Variants in PDSS2 observed in about 807,000 individuals in gnomAD.
PDSS2 encodes the protein decaprenyl diphosphate synthase subunit 2.
Under a neutral mutation model 44.5 loss-of-function variants are expected in PDSS2, and 31 were observed. The observed-to-expected ratio is 0.70, with a 90% CI of 0.52 to 0.94. The LOEUF (loss-of-function observed/expected upper bound fraction) is 0.94, where lower values mean the gene tolerates loss of function less well. Among genes scored for constraint, PDSS2 ranks in the 40% least tolerant of loss-of-function variants. The pLI is 0.00. For missense variants in PDSS2, 452 were observed against 482.2 expected (o/e 0.94, Z 0.59); for synonymous variants, 157 against 180.3 (o/e 0.87, Z 1.03).
chr6:107,362,950 G>A (rs965354427), intron 1 of PDSS2, among the ~76,000 whole-genome samples: 3 of 152,148 alleles, frequency 2.0e-5, no homozygotes, highest in African/African-American at 7.2e-5. Flanking sequence ...CAATAACTTG[G>A]AGATAGATCA....
At chr6:107,333,538 A>G (rs1404360921) in intron 2 of PDSS2, among the ~76,000 whole-genome samples, 1 of 152,082 alleles carries the variant, frequency 6.6e-6, no homozygotes. Context: ...GTATTATTTT[A>G]TCTTATTTTA....
At chr6:107,371,404 G>C (rs1283003716) in intron 1 of PDSS2, among the ~76,000 whole-genome samples, 1 of 152,136 alleles carries the variant, frequency 6.6e-6, no homozygotes, top group Non-Finnish European at 1.5e-5. Flanking sequence ...TCCCATATAA[G>C]AAGAAATCTA....
chr6:107,346,259 T>G (rs997974037), intron 1 of PDSS2, among the ~76,000 whole-genome samples: 3 of 152,168 alleles, frequency 2.0e-5, no homozygotes, highest in African/African-American at 7.2e-5. Flanking sequence ...GGAAGAAATC[T>G]CTCATTTACC....
chr6:107,264,941 G>C (rs967944463), intron 3 of PDSS2, among the ~76,000 whole-genome samples: 4 of 152,118 alleles, frequency 2.6e-5, no homozygotes, highest in Non-Finnish European at 5.9e-5. Flanking sequence ...TTTAGTCCAG[G>C]TCTTTGTACA....
chr6:107,390,970 A>G (rs1020185565), intron 1 of PDSS2, among the ~76,000 whole-genome samples: 5 of 151,912 alleles, frequency 3.3e-5, no homozygotes, highest in Non-Finnish European at 5.9e-5. Context: ...CTATTTTTTT[A>G]ACCTTTTTTG....
At chr6:107,367,641 C>T (rs1019215597) in intron 1 of PDSS2, among the ~76,000 whole-genome samples, 2 of 151,820 alleles carry the variant, frequency 1.3e-5, no homozygotes, top group Non-Finnish European at 2.9e-5. Context: ...AAAAAATTAG[C>T]CAGGTGCGGT....
chr6:107,162,223 C>T (rs571431584), intron 7 of PDSS2, among the ~76,000 whole-genome samples: 14 of 152,036 alleles, frequency 9.2e-5, no homozygotes, highest in Middle Eastern at 3.2e-3. Context: ...CCCGGCCGGG[C>T]GCAGTGGCTC....
intron 4 of PDSS2, among the ~76,000 whole-genome samples, chr6:107,225,168 T>TATATATATATATA (rs1773772410): frequency 1.8e-4 from 8 of 43,740 alleles, no homozygotes; most frequent in African/African-American, 8.7e-4. Context: ...TATATTTTTT[T>TATATATATATATA]TTTTTTTTTT....
chr6:107,211,258 T>TA (rs1440022041), intron 5 of PDSS2, among the ~76,000 whole-genome samples: 3 of 151,630 alleles, frequency 2.0e-5, no homozygotes, highest in Non-Finnish European at 4.4e-5. Context: ...ATCTGAATAG[T>TA]ATATATTAAA....
At chr6:107,277,724 G>A (rs1432490930) in intron 2 of PDSS2, among the ~76,000 whole-genome samples, 10 of 152,112 alleles carry the variant, frequency 6.6e-5, no homozygotes, top group Admixed American at 5.9e-4. Flanking sequence ...AGGCCAAGGC[G>A]GGTGGATCAC....
rs1254571004 is a variant in PDSS2 at position 107,225,177 on chromosome 6, T to A, written c.703-12895A>T. On this transcript the variant is annotated intron_variant, in intron 4 of 7. Transcript: ENST00000369037. Reference sequence around the variant, plus strand: ...TATATATATATTTTTTTTTTTTTTTTTTTTTTTTTTTTGAGACAGAGTGTC... The same window carrying A: ...TATATATATATTTTTTTTTTTTTTTATTTTTTTTTTTTGAGACAGAGTGTC... Among the ~76,000 whole-genome samples the A allele has an allele frequency of 5.6e-3, 412 of 74,202 alleles. 15 individuals are homozygous for A. The highest frequency in any genetic ancestry group is 0.033 in the African/African-American group (283 of 8,582). The allele number at this position is 74,202 out of a possible 152,430, so 48.7% of individuals were successfully genotyped here.
rs60988844 is a variant in PDSS2, at chr6:107,227,278, C to CTTTTTTTTTTT, written c.703-15007_703-14997dup. The stretch of plus-strand genomic sequence containing the variant: ...GATTATAGGTGTAAGCCACTGTGCC[C>CTTTTTTTTTTT]TTTTTTTTTTTTTTTTTTTTTTTTT... On this transcript the variant is annotated intron_variant, in intron 4 of 7. Coordinates refer to ENST00000369037, the MANE Select transcript of PDSS2 (RefSeq NM_020381.4). Among the ~76,000 whole-genome samples the CTTTTTTTTTTT allele has an allele frequency of 1.1e-3, 117 of 102,800 alleles. 16 individuals are homozygous for CTTTTTTTTTTT. Among genetic ancestry groups the CTTTTTTTTTTT allele is most frequent in the East Asian group, 2.2e-3 (8 of 3,680 alleles). The allele number at this position is 102,800 out of a possible 152,430, so 67.4% of individuals were successfully genotyped here.
intron 6 of PDSS2, among the ~76,000 whole-genome samples, chr6:107,208,122 G>T (rs1414232913): frequency 6.7e-6 from 1 of 150,048 alleles, no homozygotes; most frequent in Non-Finnish European, 1.5e-5. Context: ...GAGTAGCTGG[G>T]ATTAGAGACA....
intron 4 of PDSS2, chr6:107,230,269 T>C (rs1441739406): frequency 2.0e-5 from 3 of 151,382 alleles, no homozygotes; most frequent in East Asian, 1.9e-4. Flanking sequence ...TGACATGGCT[T>C]TCCTGAAACT....
chr6:107,334,328 GC>G lies in PDSS2; in HGVS notation c.300del (p.Val102TyrfsTer10). ...AGGCTATTCCAGCTGTCATGTACAA[GC>G]CCCCTGCCAACAAGCAAAGAAGGAA... ...TQHPLLTTAR[G>X]LVHDSWNSLQ... On this transcript the variant is annotated frameshift_variant, in exon 2 of 8. Transcript: ENST00000369037. LOFTEE classifies it high-confidence loss of function. The G allele has an allele frequency of 1.2e-6, 2 of 1,613,358 alleles. No individual in the cohort carries two copies. The highest frequency in any genetic ancestry group is 1.1e-5 in the South Asian group (1 of 91,056).
intron 1 of PDSS2, among the ~76,000 whole-genome samples, chr6:107,359,556 G>A (rs549253875): frequency 1.5e-4 from 23 of 151,388 alleles, no homozygotes; most frequent in East Asian, 4.0e-4. Context: ...CCCGGGAAGC[G>A]GAGGTTGCAG....
At chr6:107,458,037 T>G (rs539906121) in intron 1 of PDSS2, among the ~76,000 whole-genome samples, 2 of 152,304 alleles carry the variant, frequency 1.3e-5, no homozygotes, top group South Asian at 2.1e-4. Flanking sequence ...TATATGTATT[T>G]AATGTATATA....
intron 2 of PDSS2, among the ~76,000 whole-genome samples, chr6:107,288,259 G>A (rs1032531552): frequency 3.9e-5 from 6 of 152,186 alleles, no homozygotes; most frequent in Non-Finnish European, 5.9e-5. Context: ...AAAGTAAAAA[G>A]AATGTGGTAC....
At chr6:107,405,118 G>A (rs1362280825) in intron 1 of PDSS2, among the ~76,000 whole-genome samples, 1 of 151,530 alleles carries the variant, frequency 6.6e-6, no homozygotes, top group Non-Finnish European at 1.5e-5. Flanking sequence ...GAAGAGATTG[G>A]GATTCTAATT....
Sources: allele counts gnomAD v4.1 joint callset (sites outside exome capture counted in the v4.1 genomes callset), GRCh38; gene constraint gnomAD v4.1.1; transcripts MANE v1.5; gene names NCBI Gene and HGNC (gene_info 2026-07-23, HGNC 2026-07-21).